The following FGF14 variants were observed in gnomAD, a reference collection of about 807,000 sequenced individuals.
The protein encoded by FGF14 is fibroblast growth factor homologous factor 4.
FGF14 carries 5 observed loss-of-function variants against 25.5 expected under a neutral mutation model. The observed-to-expected ratio is 0.20, with a 90% CI of 0.10 to 0.41. FGF14 has a LOEUF of 0.41. Among genes scored for constraint, FGF14 ranks in the 10% least tolerant of loss-of-function variants. FGF14 has a pLI of 1.00. For missense variants in FGF14, 222 were observed against 320.1 expected (o/e 0.69, Z 2.34); for synonymous variants, 138 against 118.3 (o/e 1.17, Z -1.08).
intron 1 of FGF14, among the ~76,000 whole-genome samples, chr13:102,091,061 G>C (rs1014369274): frequency 2.6e-5 from 4 of 152,144 alleles, no homozygotes; most frequent in African/African-American, 9.7e-5. Context: ...TATGTTAATA[G>C]TGACATAAAA....
chr13:102,190,820 T>G (rs770835434), intron 1 of FGF14, among the ~76,000 whole-genome samples: 3 of 152,044 alleles, frequency 2.0e-5, no homozygotes, highest in Non-Finnish European at 4.4e-5. Flanking sequence ...ACAGAGAAAT[T>G]CAAAGATTCT....
intron 3 of FGF14, among the ~76,000 whole-genome samples, chr13:101,824,717 T>C (rs2042319621): frequency 6.6e-6 from 1 of 152,176 alleles, no homozygotes; most frequent in East Asian, 1.9e-4. Flanking sequence ...TGGGAGCTGG[T>C]TGCCAGAGGA....
intron 1 of FGF14, among the ~76,000 whole-genome samples, chr13:101,997,377 C>T (rs1170395074): frequency 7.9e-5 from 12 of 152,192 alleles, no homozygotes; most frequent in Non-Finnish European, 1.0e-4. Flanking sequence ...TTGGTTACTA[C>T]ATGTATAACT....
intron 1 of FGF14, among the ~76,000 whole-genome samples, chr13:102,021,658 A>G (rs1235289228): frequency 2.0e-5 from 3 of 152,084 alleles, no homozygotes; most frequent in Non-Finnish European, 2.9e-5. Context: ...AAAATTGTTC[A>G]TCAATTAAAT....
chr13:102,356,954 CAA>C (rs2057434712), intron 1 of FGF14, among the ~76,000 whole-genome samples: 1 of 144,874 alleles, frequency 6.9e-6, no homozygotes, highest in Non-Finnish European at 1.5e-5. Context: ...TATATACACA[CAA>C]ACAGATATTC....
intron 1 of FGF14, among the ~76,000 whole-genome samples, chr13:102,346,575 T>G (rs1415040): frequency 0.43 from 64,626 of 151,372 alleles, 14,405 homozygotes; most frequent in East Asian, 0.67. Context: ...TTTATATATA[T>G]AGAGAGAGAG....
chr13:101,936,697 A>G (rs1326942082), intron 1 of FGF14, among the ~76,000 whole-genome samples: 1 of 152,194 alleles, frequency 6.6e-6, no homozygotes, highest in Non-Finnish European at 1.5e-5. Context: ...TCTTGTTTCC[A>G]GAGCAAGCAA....
At chr13:101,916,417 C>T (rs759744642) in intron 1 of FGF14, 36 bp downstream of exon 1, 2 of 1,611,346 alleles carry the variant, frequency 1.2e-6, no homozygotes, top group Admixed American at 1.7e-5. Flanking sequence ...GAGGGGGCGA[C>T]CCGGGGCGCA....
chr13:102,384,135 T>C (rs970094777), intron 1 of FGF14, among the ~76,000 whole-genome samples: 12 of 151,734 alleles, frequency 7.9e-5, no homozygotes, highest in African/African-American at 2.9e-4. Context: ...TGTTACATGA[T>C]TTATAATTTT....
At chr13:101,947,515 A>G (rs1026824099) in intron 1 of FGF14, among the ~76,000 whole-genome samples, 2 of 152,260 alleles carry the variant, frequency 1.3e-5, no homozygotes, top group African/African-American at 2.4e-5. Context: ...ATAAAAAAGA[A>G]TGAAATCATG....
At chr13:102,386,768 T>G (rs1358018103) in intron 1 of FGF14, among the ~76,000 whole-genome samples, 1 of 152,228 alleles carries the variant, frequency 6.6e-6, no homozygotes, top group Non-Finnish European at 1.5e-5. Context: ...AAGTGGCACC[T>G]CTACATGGAA....
At chr13:102,140,265 C>G (rs1431091344) in intron 1 of FGF14, among the ~76,000 whole-genome samples, 2 of 151,990 alleles carry the variant, frequency 1.3e-5, no homozygotes, top group Non-Finnish European at 2.9e-5. Context: ...AATGACTACC[C>G]AATACAGTAT....
At chr13:102,245,378 G>C (rs2051814619) in intron 1 of FGF14, among the ~76,000 whole-genome samples, 1 of 152,028 alleles carries the variant, frequency 6.6e-6, no homozygotes, top group Non-Finnish European at 1.5e-5. Flanking sequence ...TTTACGATGA[G>C]TCTTTTAAAA....
intron 1 of FGF14, among the ~76,000 whole-genome samples, chr13:101,949,326 T>C (rs2036011314): frequency 6.6e-6 from 1 of 152,136 alleles, no homozygotes; most frequent in Non-Finnish European, 1.5e-5. Context: ...TGGACTTCCA[T>C]GGTGACACAG....
chr13:102,034,946 A>G (rs773284041), intron 1 of FGF14, among the ~76,000 whole-genome samples: 2 of 152,130 alleles, frequency 1.3e-5, no homozygotes, highest in Non-Finnish European at 2.9e-5. Flanking sequence ...TTAAAAGTCA[A>G]GCATCTGGGC....
At chr13:102,044,009 G>A (rs1429480923) in intron 1 of FGF14, among the ~76,000 whole-genome samples, 2 of 152,200 alleles carry the variant, frequency 1.3e-5, no homozygotes, top group Non-Finnish European at 2.9e-5. Flanking sequence ...GAGTGGAACT[G>A]CATAGAAATG....
rs576242416 is a variant in FGF14 at position 102,091,814 on chromosome 13, A to G, written c.209-216518T>C. Among the ~76,000 whole-genome samples, 8 of 152,236 alleles carry G rather than the reference A, an allele frequency of 5.3e-5. No homozygotes were observed. The South Asian group carries it at 1.7e-3, about 32-fold the overall frequency. On this transcript the variant is annotated intron_variant, in intron 1 of 4. Transcript: ENST00000376131. ...AGTTTCTTTTTCTACCCTTTAAGTT[A>G]CCAGCTGACAACTTTTTACTAATTA...
intron 1 of FGF14, among the ~76,000 whole-genome samples, chr13:102,278,645 TAC>T (rs1445760652): frequency 4.8e-5 from 7 of 147,036 alleles, no homozygotes; most frequent in African/African-American, 1.5e-4. Context: ...TATATATATA[TAC>T]ATACACACAC....
chr13:102,035,799 C>T (rs2041442942), intron 1 of FGF14, among the ~76,000 whole-genome samples: 1 of 152,118 alleles, frequency 6.6e-6, no homozygotes, highest in African/African-American at 2.4e-5. Flanking sequence ...AATGCAGTTG[C>T]TTTACCAGAC....
Sources: allele counts gnomAD v4.1 joint callset (sites outside exome capture counted in the v4.1 genomes callset), GRCh38; gene constraint gnomAD v4.1.1; transcripts MANE v1.5; gene names NCBI Gene and HGNC (gene_info 2026-07-23, HGNC 2026-07-21).